ARHGAP20: variants seen among roughly 807,000 people sequenced by gnomAD.
ARHGAP20 encodes rho GTPase-activating protein 20.
In ARHGAP20, 34 loss-of-function variants were observed where a neutral mutation model predicts 73.7. The ratio of observed to expected loss-of-function variants is 0.46; its 90% CI spans 0.35 to 0.61. ARHGAP20 has a LOEUF of 0.61. ARHGAP20 is among the 20% of genes least tolerant of loss of function. The pLI is 0.00. For missense variants in ARHGAP20, 1,314 were observed against 1,420.9 expected, an observed-to-expected ratio of 0.92 and a Z score of 1.21; for synonymous variants, 523 against 518.2, an observed-to-expected ratio of 1.01 and a Z score of -0.13.
intron 6 of ARHGAP20, among the ~76,000 whole-genome samples, chr11:110,613,200 A>T (rs1351038358): frequency 2.0e-5 from 3 of 152,246 alleles, no homozygotes; most frequent in Non-Finnish European, 4.4e-5. Context: ...TTCAGCAGAT[A>T]GAACTCTTTG....
Position 110,585,040 on chromosome 11 carries a change from T to TATATATGAATATATGAATATATGTGAAC in ARHGAP20, c.1415+1148_1415+1175dup, listed in dbSNP as rs1565421913. Among the ~76,000 whole-genome samples, 173 of 145,806 alleles carry TATATATGAATATATGAATATATGTGAAC rather than the reference T, an allele frequency of 1.2e-3. 12 individuals carry two copies. The South Asian group carries it at 0.031, about 26-fold the overall frequency. On this transcript the variant is annotated intron_variant, in intron 12 of 14. Coordinates refer to ENST00000683387, the MANE Select transcript of ARHGAP20 (RefSeq NM_001384657.1). ...GAACATATATGTGAATATATGTGAA[T>TATATATGAATATATGAATATATGTGAAC]ATATATGAATATATGAATATATGTG... is the stretch of plus-strand genomic sequence containing the variant.
chr11:110,711,477 TATC>T (rs1007292291), intron 1 of ARHGAP20, among the ~76,000 whole-genome samples: 8 of 147,338 alleles, frequency 5.4e-5, no homozygotes, highest in Non-Finnish European at 7.5e-5. Context: ...TGTCGAGCGT[TATC>T]ATCCACAGTC....
intron 4 of ARHGAP20, among the ~76,000 whole-genome samples, chr11:110,621,996 C>CTCA (rs1235836236): frequency 6.6e-6 from 1 of 152,184 alleles, no homozygotes; most frequent in Admixed American, 6.5e-5. Context: ...TTGAGTCTGT[C>CTCA]TCATGCATGT....
chr11:110,658,340 T>C lies in ARHGAP20; in HGVS notation c.189-27548A>G, dbSNP rs1187005760. ...CAGCCCTATTCATTTGGGACTTTTC[T>C]AGAAACCTGAAGGAGCCAGAGGGTC... On this transcript the variant is annotated intron_variant, in intron 2 of 14. Coordinates refer to ENST00000683387, the MANE Select transcript of ARHGAP20 (RefSeq NM_001384657.1). 2.0e-5 allele frequency among the ~76,000 whole-genome samples: 3 copies of C among 152,202 alleles called. No homozygotes were observed. In the East Asian group the frequency reaches 5.8e-4, roughly 29 times the overall value.
intron 11 of ARHGAP20, among the ~76,000 whole-genome samples, chr11:110,587,785 CAAG>C (rs952478793): frequency 4.6e-5 from 7 of 151,858 alleles, no homozygotes; most frequent in African/African-American, 1.7e-4. Context: ...GAATGTTTAA[CAAG>C]AAGGAAGAAT....
intron 4 of ARHGAP20, among the ~76,000 whole-genome samples, chr11:110,619,292 T>C (rs1381876382): frequency 2.4e-5 from 3 of 124,120 alleles, no homozygotes; most frequent in Non-Finnish European, 5.1e-5. Flanking sequence ...ATAGAGTATA[T>C]GCAGTGATAG....
chr11:110,617,967 T>A (rs946565970), intron 4 of ARHGAP20, among the ~76,000 whole-genome samples: 1 of 152,074 alleles, frequency 6.6e-6, no homozygotes, highest in Admixed American at 6.6e-5. Context: ...CCGGGAACCA[T>A]ATGTCACTCA....
intron 1 of ARHGAP20, 145 bp from the exon 2 acceptor site, chr11:110,690,774 T>C: frequency 2.3e-6 from 2 of 886,966 alleles, no homozygotes; most frequent in South Asian, 1.7e-5. Flanking sequence ...GAGATAAAAC[T>C]GTAACATCTA....
Position 110,590,874 on chromosome 11 carries a change from G to T in ARHGAP20, c.1144-65C>A. 2.0e-6 allele frequency: 3 copies of T among 1,488,718 alleles called. No homozygotes were observed. In the Admixed American group the frequency reaches 6.3e-5, roughly 31 times the overall value. 92.2% of individuals were successfully genotyped at this position (1,488,718 alleles called of 1,614,324 possible). On this transcript the variant is annotated intron_variant, in intron 10 of 14. Coordinates refer to ENST00000683387, the MANE Select transcript of ARHGAP20 (RefSeq NM_001384657.1). ...CACACACACAAGGGAATGTACACTT[G>T]CCCTCTTTGGATGCCAGAGGCTAGG...
intron 1 of ARHGAP20, 165 bp downstream of exon 1, chr11:110,711,962 T>C (rs1297524444): frequency 1.6e-6 from 2 of 1,252,774 alleles, no homozygotes; most frequent in African/African-American, 1.5e-5. Flanking sequence ...CCGCTGGCCG[T>C]CAAGGGCGGG....
intron 2 of ARHGAP20, among the ~76,000 whole-genome samples, chr11:110,686,794 A>G (rs1382406665): frequency 1.3e-5 from 2 of 152,044 alleles, no homozygotes; most frequent in African/African-American, 4.8e-5. Flanking sequence ...AGAATACCGA[A>G]TTAGAAAGGC....
At chr11:110,665,445 C>T (rs918047322) in intron 2 of ARHGAP20, among the ~76,000 whole-genome samples, 1 of 151,998 alleles carries the variant, frequency 6.6e-6, no homozygotes, top group Non-Finnish European at 1.5e-5. Flanking sequence ...CAAAAATTTT[C>T]AGACATTGGA....
intron 12 of ARHGAP20, 70 bp from the exon 13 acceptor site, chr11:110,583,807 A>T: frequency 7.9e-7 from 1 of 1,265,532 alleles, no homozygotes; most frequent in East Asian, 2.6e-5. Flanking sequence ...AGCAACTCTC[A>T]CTTTGAATGG....
rs115906867 is a variant in ARHGAP20 at position 110,656,107 on chromosome 11, T to C, written c.189-25315A>G. Among the ~76,000 whole-genome samples, 553 of 152,270 alleles carry C rather than the reference T, an allele frequency of 3.6e-3. 3 individuals are homozygous for C. The highest frequency in any genetic ancestry group is 0.012 in the African/African-American group (517 of 41,552). ...AGAGAGTTTTTCTCACTGTTGATGCTCTCTCTACTTTCAACTTTCAGCAGT... is the reference window on the plus strand; with the variant it reads ...AGAGAGTTTTTCTCACTGTTGATGCCCTCTCTACTTTCAACTTTCAGCAGT... On this transcript the variant is annotated intron_variant, in intron 2 of 14. Transcript: ENST00000683387.
In ARHGAP20 at chr11:110,586,328, T is replaced by A; in HGVS notation, c.1306-3A>T. 6.6e-7 allele frequency: 1 copy of A among 1,511,398 alleles called. No homozygotes were observed. The highest frequency in any genetic ancestry group is 9.0e-7 in the Non-Finnish European group (1 of 1,110,154). 93.6% of individuals were successfully genotyped at this position (1,511,398 alleles called of 1,614,324 possible). A position where few individuals can be genotyped will look rare whatever the true frequency, so the allele number is the denominator to read the frequency against. ...CCTGGAATATTTCGCAGAAAATCCT[T>A]AAATAGATGGAAAAACAAATATTTC... On this transcript the variant is annotated splice_region_variant and splice_polypyrimidine_tract_variant and intron_variant, in intron 11 of 14. Coordinates refer to ENST00000683387, the MANE Select transcript of ARHGAP20 (RefSeq NM_001384657.1).
intron 4 of ARHGAP20, among the ~76,000 whole-genome samples, chr11:110,617,395 T>G (rs1948508067): frequency 1.3e-5 from 2 of 151,960 alleles, no homozygotes. Flanking sequence ...CCCAAGTAGC[T>G]GGGATTACAG....
At chr11:110,711,525 G>T (rs1950655632) in intron 1 of ARHGAP20, 2 of 1,091,236 alleles carry the variant, frequency 1.8e-6, no homozygotes, top group African/African-American at 1.7e-5. Context: ...TGGGAGACCC[G>T]GAATCATCCA....
chr11:110,580,385 T>C lies in ARHGAP20; in HGVS notation c.2561A>G (p.Asn854Ser). 1.2e-6 allele frequency: 2 copies of C among 1,614,238 alleles called. No individual in the cohort carries two copies. Among genetic ancestry groups the C allele is most frequent in the Non-Finnish European group, 8.5e-7 (1 of 1,180,042 alleles). Reference sequence around the variant, plus strand: ...TCCCCTGAGATAGGTCAGCTTGCGGTTCTGGTCTTCTATGTTGGGCTCTGA... The same window carrying C: ...TCCCCTGAGATAGGTCAGCTTGCGGCTCTGGTCTTCTATGTTGGGCTCTGA... ...RCSEPNIEDQ[N>S]RKLTYLRGIY... Residue 854 changes from asparagine to serine, a missense_variant, in exon 15 of 15, where the codon AAC (asparagine) becomes AGC (serine). By Grantham distance (46) the Asn-to-Ser change is conservative (BLOSUM62 1). This residue lies in a region of ARHGAP20 where 641 missense variants were observed against 636.9 expected (regional missense o/e 1.01). Transcript: ENST00000683387.
intron 1 of ARHGAP20, 26 bp downstream of exon 1, chr11:110,712,101 C>T (rs1950676476): frequency 1.6e-6 from 2 of 1,285,402 alleles, no homozygotes; most frequent in Admixed American, 3.9e-5. Flanking sequence ...CGGCGGAGGG[C>T]ACGGGCCCCC....
Sources: allele counts gnomAD v4.1 joint callset (sites outside exome capture counted in the v4.1 genomes callset), GRCh38; gene constraint gnomAD v4.1.1; regional missense constraint gnomAD v4.1.1; transcripts MANE v1.5; gene names NCBI Gene and HGNC (gene_info 2026-07-23, HGNC 2026-07-21).